TOX: variants seen among roughly 807,000 people sequenced by gnomAD.
TOX encodes the protein thymocyte selection-associated high mobility group box protein TOX.
In TOX, 11 loss-of-function variants were observed where a neutral mutation model predicts 53.7. The observed-to-expected ratio is 0.20, with a 90% CI of 0.13 to 0.34. The LOEUF (loss-of-function observed/expected upper bound fraction) is 0.34. TOX is among the 10% of genes least tolerant of loss of function. The pLI, the probability that TOX is intolerant of heterozygous loss-of-function variation, is 1.00. For synonymous variants in TOX, 225 were observed against 245.3 expected, an observed-to-expected ratio of 0.92 and a Z score of 0.77; for missense variants, 570 against 664.6, an observed-to-expected ratio of 0.86 and a Z score of 1.56.
chr8:59,035,278 T>C (rs1436965906), intron 1 of TOX, among the ~76,000 whole-genome samples: 1 of 152,178 alleles, frequency 6.6e-6, no homozygotes, highest in Non-Finnish European at 1.5e-5. Flanking sequence ...GCAACATAAA[T>C]GTGTGTAGAT....
At chr8:58,915,852 C>T (rs1405824724) in intron 3 of TOX, among the ~76,000 whole-genome samples, 7 of 132,498 alleles carry the variant, frequency 5.3e-5, no homozygotes, top group East Asian at 2.3e-4. Flanking sequence ...CAGAGAAGTG[C>T]TTAAAGGAGC....
intron 1 of TOX, among the ~76,000 whole-genome samples, chr8:58,970,855 T>C (rs2129179629): frequency 6.6e-6 from 1 of 152,342 alleles, no homozygotes; most frequent in Non-Finnish European, 1.5e-5. Context: ...TATTCTGCAG[T>C]AACATTTATT....
chr8:59,042,917 T>C (rs1185378484), intron 1 of TOX, among the ~76,000 whole-genome samples: 1 of 145,496 alleles, frequency 6.9e-6, no homozygotes, highest in Admixed American at 7.0e-5. Flanking sequence ...AACATATTAG[T>C]CACCTCACAT....
rs962132912 is a variant in TOX at position 58,806,952 on chromosome 8, G to A, written c.*795C>T. Reference sequence around the variant, plus strand: ...CTGCATCTAATAAAATACCAGGTAAGCATTTGGCAGTTTTATACATAAAAG... The same window carrying A: ...CTGCATCTAATAAAATACCAGGTAAACATTTGGCAGTTTTATACATAAAAG... On this transcript the variant is annotated 3_prime_UTR_variant, in exon 9 of 9. Coordinates refer to ENST00000361421, the MANE Select transcript of TOX (RefSeq NM_014729.3). 2.0e-5 allele frequency: 3 copies of A among 152,560 alleles called. No homozygotes were observed. The highest frequency in any genetic ancestry group is 7.2e-5 in the African/African-American group (3 of 41,438). 9.5% of individuals were successfully genotyped at this position (152,560 alleles called of 1,614,324 possible).
intron 3 of TOX, among the ~76,000 whole-genome samples, chr8:58,904,850 C>T (rs1170345555): frequency 2.0e-5 from 3 of 152,294 alleles, no homozygotes; most frequent in African/African-American, 7.2e-5. Context: ...ATGGGGAGAG[C>T]ACGCTGCAGA....
In TOX at chr8:58,982,837, A is replaced by G. The variant is rs536275990; in HGVS notation, c.103-22829T>C. ...CTGGCTTCTCATTGACAATTGAACA[A>G]AATGGATCCTTCTTATTCTGATATC... On this transcript the variant is annotated intron_variant, in intron 1 of 8. Coordinates refer to ENST00000361421, the MANE Select transcript of TOX (RefSeq NM_014729.3). 2.6e-5 allele frequency among the ~76,000 whole-genome samples: 4 copies of G among 152,302 alleles called. No homozygotes were observed. The South Asian group carries it at 8.3e-4, about 32-fold the overall frequency.
At chr8:59,069,634 C>T in intron 1 of TOX, among the ~76,000 whole-genome samples, 1 of 152,004 alleles carries the variant, frequency 6.6e-6, no homozygotes, top group Non-Finnish European at 1.5e-5. Context: ...ACACCTTTGG[C>T]AGGCTCAGCA....
chr8:58,964,986 G>A (rs1010100989), intron 1 of TOX, among the ~76,000 whole-genome samples: 2 of 151,970 alleles, frequency 1.3e-5, no homozygotes, highest in South Asian at 4.2e-4. Flanking sequence ...AGCATTATTA[G>A]TAACTATTGC....
At chr8:58,904,841 T>C (rs1563385103) in intron 3 of TOX, among the ~76,000 whole-genome samples, 2 of 152,324 alleles carry the variant, frequency 1.3e-5, no homozygotes, top group Non-Finnish European at 2.9e-5. Context: ...TCTGAATGTA[T>C]GGGGAGAGCA....
intron 1 of TOX, among the ~76,000 whole-genome samples, chr8:58,974,320 CTA>C (rs1343763504): frequency 6.6e-6 from 1 of 152,166 alleles, no homozygotes; most frequent in Non-Finnish European, 1.5e-5. Flanking sequence ...AAACCCTTGT[CTA>C]TGTCATGGGT....
chr8:58,951,901 A>G (rs572150125), intron 2 of TOX, among the ~76,000 whole-genome samples: 3 of 152,322 alleles, frequency 2.0e-5, no homozygotes, highest in Admixed American at 2.0e-4. Flanking sequence ...ATTAATTTCA[A>G]ATCATTAGGG....
chr8:59,100,797 A>G (rs1045415317), intron 1 of TOX, among the ~76,000 whole-genome samples: 5 of 152,326 alleles, frequency 3.3e-5, no homozygotes, highest in Middle Eastern at 6.8e-3. Context: ...GAGTAATGTT[A>G]AACAAGTGAT....
intron 3 of TOX, among the ~76,000 whole-genome samples, chr8:58,880,048 C>G (rs560723067): frequency 6.6e-6 from 1 of 152,226 alleles, no homozygotes; most frequent in Non-Finnish European, 1.5e-5. Flanking sequence ...CTTCCTAGAT[C>G]CCATAGGAAA....
At chr8:58,903,219 A>T (rs570197670) in intron 3 of TOX, among the ~76,000 whole-genome samples, 1 of 152,336 alleles carries the variant, frequency 6.6e-6, no homozygotes, top group East Asian at 1.9e-4. Context: ...TGTTGAACAC[A>T]GTTAAGCAAA....
At chr8:59,109,675 T>C (rs1323500916) in intron 1 of TOX, among the ~76,000 whole-genome samples, 1 of 152,170 alleles carries the variant, frequency 6.6e-6, no homozygotes, top group Admixed American at 6.5e-5. Flanking sequence ...TTATCTCTTA[T>C]TGAAATATAA....
intron 1 of TOX, among the ~76,000 whole-genome samples, chr8:59,033,938 A>G (rs752828410): frequency 1.3e-5 from 2 of 152,346 alleles, no homozygotes; most frequent in Non-Finnish European, 2.9e-5. Context: ...CTGCCCTTTC[A>G]GACTGAAAGT....
intron 3 of TOX, among the ~76,000 whole-genome samples, chr8:58,872,844 A>C (rs780422832): frequency 1.3e-5 from 2 of 152,138 alleles, no homozygotes; most frequent in Non-Finnish European, 2.9e-5. Context: ...AAGCTGAGGA[A>C]ATACAAATGA....
intron 1 of TOX, among the ~76,000 whole-genome samples, chr8:59,037,356 G>A (rs1803488477): frequency 6.6e-6 from 1 of 151,670 alleles, no homozygotes; most frequent in Non-Finnish European, 1.5e-5. Context: ...CTTTCTTAAG[G>A]TCCTGGTAAA....
At chr8:58,861,614 A>G (rs1811010416) in intron 3 of TOX, among the ~76,000 whole-genome samples, 1 of 152,216 alleles carries the variant, frequency 6.6e-6, no homozygotes, top group Non-Finnish European at 1.5e-5. Flanking sequence ...TTGAAATAAA[A>G]AGAATGGATT....
Sources: gnomAD v4.1 joint callset for allele counts (sites outside exome capture counted in the v4.1 genomes callset) on GRCh38, gnomAD v4.1.1 for gene constraint, MANE v1.5 for transcripts, NCBI Gene and HGNC (gene_info 2026-07-23, HGNC 2026-07-21) for gene names.